ANK2: variants seen among roughly 807,000 people sequenced by gnomAD.
ANK2 encodes ankyrin-2.
In ANK2, 83 loss-of-function variants were observed where a neutral mutation model predicts 360.5. The observed-to-expected ratio is 0.23, with a 90% CI of 0.19 to 0.28. The LOEUF is 0.28. Ranked by LOEUF, ANK2 falls within the 10% of genes least tolerant of loss-of-function variation. ANK2 has a pLI of 1.00. For missense variants in ANK2, 4,201 were observed against 4,795.7 expected (o/e 0.88, Z 3.66); for synonymous variants, 1,740 against 1,759.5 (o/e 0.99, Z 0.28).
At chr4:112,821,184 G>T (rs929636806) in intron 1 of ANK2, among the ~76,000 whole-genome samples, 1 of 152,080 alleles carries the variant, frequency 6.6e-6, no homozygotes, top group African/African-American at 2.4e-5. Flanking sequence ...CAAAGTGCTG[G>T]GATTACAGGC....
Position 113,280,265 on chromosome 4 carries a change from G to A in ANK2, c.1881+1707G>A, listed in dbSNP as rs543662114. Among the ~76,000 whole-genome samples the A allele has an allele frequency of 5.9e-5, 9 of 152,278 alleles. No individual in the cohort carries two copies. In the South Asian group the frequency reaches 1.9e-3, roughly 32 times the overall value. ...GACTCTCAATCTACTTGTAAGAGAA[G>A]ACCTAGATTATAAAATAATGTGTAT... On this transcript the variant is annotated intron_variant, in intron 17 of 45. Coordinates refer to ENST00000357077, the MANE Select transcript of ANK2 (RefSeq NM_001148.6).
chr4:112,804,310 G>A, the ANK2 span, among the ~76,000 whole-genome samples: 5 of 152,104 alleles, frequency 3.3e-5, no homozygotes, highest in African/African-American at 7.2e-5. Context: ...GTGAGCCACC[G>A]TGCCCGGCCA....
In ANK2 at chr4:113,305,339, C is replaced by CAAAAAA. The variant is rs10667489; in HGVS notation, c.2548+2515_2548+2520dup. On this transcript the variant is annotated intron_variant, in intron 23 of 45. Transcript: ENST00000357077. Reference sequence around the variant, plus strand: ...TGGGCGACAGAGCGAGACTCCGTCTCAAAAAAAAAAAAAAAAAAAATAGCC... The same window carrying CAAAAAA: ...TGGGCGACAGAGCGAGACTCCGTCTCAAAAAAAAAAAAAAAAAAAAAAAAAATAGCC... Among the ~76,000 whole-genome samples, 621 of 96,840 alleles carry CAAAAAA rather than the reference C, an allele frequency of 6.4e-3. 16 individuals carry two copies. Among genetic ancestry groups the CAAAAAA allele is most frequent in the African/African-American group, 0.025 (586 of 23,892 alleles). 63.5% of individuals were successfully genotyped at this position (96,840 alleles called of 152,430 possible). A position where few individuals can be genotyped will look rare whatever the true frequency, so the allele number is the denominator to read the frequency against.
At chr4:113,171,233 G>A (rs962547273) in intron 1 of ANK2, among the ~76,000 whole-genome samples, 1 of 152,134 alleles carries the variant, frequency 6.6e-6, no homozygotes, top group Non-Finnish European at 1.5e-5. Flanking sequence ...CTCCCTGAAT[G>A]TTTGAATCCT....
At chr4:112,924,501 G>C (rs954987369) in intron 2 of ANK2, among the ~76,000 whole-genome samples, 5 of 152,014 alleles carry the variant, frequency 3.3e-5, no homozygotes, top group Non-Finnish European at 5.9e-5. Context: ...TTTAAAAGCT[G>C]ACTTATCAAT....
In ANK2 at chr4:113,274,444, A is replaced by C. The variant is rs1411885775; in HGVS notation, c.1486-8A>C. On this transcript the variant is annotated splice_polypyrimidine_tract_variant and splice_region_variant and intron_variant, in intron 14 of 45. Coordinates refer to ENST00000357077, the MANE Select transcript of ANK2 (RefSeq NM_001148.6). ...CGGCACTAACTTTTTACTTGGCTTGAGTTGTAGGAGGAACAGACACCTTTA... is the reference window on the plus strand; with the variant it reads ...CGGCACTAACTTTTTACTTGGCTTGCGTTGTAGGAGGAACAGACACCTTTA... 5.6e-6 allele frequency: 9 copies of C among 1,614,136 alleles called. No homozygotes were observed. The highest frequency in any genetic ancestry group is 7.6e-6 in the Non-Finnish European group (9 of 1,179,992).
At chr4:113,032,151 T>C (rs578246132) in intron 2 of ANK2, among the ~76,000 whole-genome samples, 1 of 152,222 alleles carries the variant, frequency 6.6e-6, no homozygotes, top group African/African-American at 2.4e-5. Context: ...TGTACCACTC[T>C]AAGGCTGCAC....
Position 113,373,348 on chromosome 4 carries a change from GTGCAGGGAA to G in ANK2, c.11762_11770del (p.Gln3921_Met3923del), listed in dbSNP as rs1270352221. 1.2e-6 allele frequency: 2 copies of G among 1,614,050 alleles called. No individual in the cohort carries two copies. Among genetic ancestry groups the G allele is most frequent in the African/African-American group, 2.7e-5 (2 of 74,936 alleles). On this transcript the variant is annotated inframe_deletion, in exon 45 of 46. Transcript: ENST00000357077. The stretch of plus-strand genomic sequence containing the variant: ...AGGCACAGAGAAAGAAGAGATTATG[GTGCAGGGAA>G]TGCCACAGGAACCTGTCAACATCGA...
intron 1 of ANK2, among the ~76,000 whole-genome samples, chr4:112,833,157 A>G (rs2060174959): frequency 6.6e-6 from 1 of 152,248 alleles, no homozygotes; most frequent in African/African-American, 2.4e-5. Context: ...ATTCCTTAGA[A>G]GTTCTACTGA....
chr4:113,350,192 T>C lies in ANK2; in HGVS notation c.4405-36T>C, dbSNP rs72544152. ...CCAGGGGCTATGAGCCAAGGCAGTA[T>C]TTGTAACCATTCAATTTATGTATGT... is the stretch of plus-strand genomic sequence containing the variant. On this transcript the variant is annotated intron_variant, in intron 36 of 45. Transcript: ENST00000357077. The C allele has an allele frequency of 8.0e-5, 127 of 1,596,838 alleles. No individual in the cohort carries two copies. In the African/African-American group the frequency reaches 1.5e-3, roughly 19 times the overall value.
the ANK2 span, among the ~76,000 whole-genome samples, chr4:112,804,759 C>G: frequency 6.6e-6 from 1 of 151,898 alleles, no homozygotes; most frequent in African/African-American, 2.4e-5. Context: ...GTTCAAGACT[C>G]ATCTCGGCAA....
chr4:112,803,942 A>G, the ANK2 span, among the ~76,000 whole-genome samples: 2 of 152,188 alleles, frequency 1.3e-5, no homozygotes, highest in African/African-American at 4.8e-5. Context: ...AGTGTAATAG[A>G]GAGAATAGTA....
At chr4:113,213,897 A>T (rs2099053415) in intron 4 of ANK2, 3 of 559,776 alleles carry the variant, frequency 5.4e-6, no homozygotes, top group Non-Finnish European at 9.3e-6. Context: ...TGCAATGAAA[A>T]GAGAAAGAGA....
At chr4:113,079,138 A>G (rs758883102) in intron 1 of ANK2, among the ~76,000 whole-genome samples, 1 of 152,196 alleles carries the variant, frequency 6.6e-6, no homozygotes, top group African/African-American at 2.4e-5. Flanking sequence ...GACCTTGTCC[A>G]TATATTTAAG....
the ANK2 span, among the ~76,000 whole-genome samples, chr4:112,751,068 G>T: frequency 6.6e-6 from 1 of 152,124 alleles, no homozygotes. Flanking sequence ...AAAGAAGGAA[G>T]CAGCCACCTC....
At chr4:112,732,657 A>G in the ANK2 span, among the ~76,000 whole-genome samples, 1 of 152,186 alleles carries the variant, frequency 6.6e-6, no homozygotes, top group South Asian at 2.1e-4. Context: ...TTTTCTACAA[A>G]ACAGAATCTA....
chr4:112,996,985 A>C (rs1163296822), intron 2 of ANK2, among the ~76,000 whole-genome samples: 1 of 152,016 alleles, frequency 6.6e-6, no homozygotes, highest in Non-Finnish European at 1.5e-5. Flanking sequence ...TTCTCTCCTA[A>C]TGCTTTTTCA....
chr4:113,348,129 A>C (rs758941667), intron 35 of ANK2, 147 bp from the exon 36 acceptor site: 2 of 752,808 alleles, frequency 2.7e-6, no homozygotes, highest in Non-Finnish European at 4.6e-6. Context: ...ATAAACTGTT[A>C]GTAATAAAAA....
At chr4:113,008,260 G>A (rs768324590) in intron 2 of ANK2, among the ~76,000 whole-genome samples, 5 of 152,100 alleles carry the variant, frequency 3.3e-5, no homozygotes, top group Admixed American at 6.6e-5. Flanking sequence ...AGCTTTTAAA[G>A]GCAGTTGAGT....
Sources: gnomAD v4.1 joint callset for allele counts (sites outside exome capture counted in the v4.1 genomes callset) on GRCh38, gnomAD v4.1.1 for gene constraint, MANE v1.5 for transcripts, NCBI Gene and HGNC (gene_info 2026-07-23, HGNC 2026-07-21) for gene names.